GFRA2: variants seen among roughly 807,000 people sequenced by gnomAD.
GFRA2 encodes GDNF family receptor alpha-2.
Under a neutral mutation model 48.3 loss-of-function variants are expected in GFRA2, and 17 were observed. The observed-to-expected ratio is 0.35, with a 90% CI of 0.24 to 0.53. The LOEUF is 0.53. Among genes scored for constraint, GFRA2 ranks in the 20% least tolerant of loss-of-function variants. GFRA2 has a pLI of 0.93. For missense variants in GFRA2, 660 were observed against 637.3 expected, an observed-to-expected ratio of 1.04 and a Z score of -0.38; for synonymous variants, 305 against 257.2, an observed-to-expected ratio of 1.19 and a Z score of -1.78.
chr8:21,694,565 G>C (rs768309508), intron 7 of GFRA2, 48 bp from the exon 8 acceptor site: 2 of 1,571,974 alleles, frequency 1.3e-6, no homozygotes, highest in South Asian at 2.3e-5. Flanking sequence ...GGCTGTTCCT[G>C]GCTGGGCTTT....
chr8:21,784,068 C>A (rs1807148995), intron 1 of GFRA2, among the ~76,000 whole-genome samples: 1 of 152,070 alleles, frequency 6.6e-6, no homozygotes, highest in South Asian at 2.1e-4. Flanking sequence ...GCTCCTCCAC[C>A]AATGTGCAAT....
At chr8:21,772,004 G>A (rs1806460385) in intron 3 of GFRA2, among the ~76,000 whole-genome samples, 1 of 152,142 alleles carries the variant, frequency 6.6e-6, no homozygotes, top group South Asian at 2.1e-4. Flanking sequence ...ACACACAGGT[G>A]GGGGATACAT....
intron 8 of GFRA2, among the ~76,000 whole-genome samples, chr8:21,694,251 C>T (rs1281962885): frequency 1.3e-5 from 2 of 151,556 alleles, no homozygotes; most frequent in African/African-American, 4.9e-5. Context: ...AGCCATTTGT[C>T]TCTCCCCAAG....
chr8:21,781,487 C>A (rs915848700), intron 2 of GFRA2, among the ~76,000 whole-genome samples: 4 of 152,194 alleles, frequency 2.6e-5, no homozygotes, highest in Non-Finnish European at 5.9e-5. Context: ...TTTCGTGACT[C>A]TGACTCACCC....
At chr8:21,693,495 G>A in intron 8 of GFRA2, 95 bp from the exon 9 acceptor site, 1 of 1,175,178 alleles carries the variant, frequency 8.5e-7, no homozygotes, top group South Asian at 1.5e-5. Context: ...ACGGACTCAG[G>A]AACTGGACAC....
chr8:21,779,211 T>C (rs1381603434), intron 2 of GFRA2, among the ~76,000 whole-genome samples: 1 of 151,996 alleles, frequency 6.6e-6, no homozygotes, highest in Non-Finnish European at 1.5e-5. Context: ...AAAAACGAGA[T>C]TTGGAACCAG....
At chr8:21,759,023 T>G (rs75028474) in intron 3 of GFRA2, among the ~76,000 whole-genome samples, 2,021 of 152,310 alleles carry the variant, frequency 0.013, 34 homozygotes, top group African/African-American at 0.045. Flanking sequence ...TCCAGCTGTG[T>G]GCAGGAAAGA....
chr8:21,799,590 A>G (rs1807737134), intron 2 of GFRA2, among the ~76,000 whole-genome samples: 1 of 152,338 alleles, frequency 6.6e-6, no homozygotes, highest in South Asian at 2.1e-4. Flanking sequence ...ATAAAGACTC[A>G]GTCCATTCAT....
chr8:21,694,980 A>T (rs529926283), intron 7 of GFRA2, among the ~76,000 whole-genome samples: 183 of 152,342 alleles, frequency 1.2e-3, no homozygotes, highest in African/African-American at 4.2e-3. Flanking sequence ...TTAATTTGCC[A>T]TGGCTGATGG....
intron 4 of GFRA2, among the ~76,000 whole-genome samples, chr8:21,723,708 T>G (rs6587002): frequency 6.6e-5 from 10 of 151,936 alleles, no homozygotes; most frequent in African/African-American, 2.4e-4. Flanking sequence ...CTGGGAAATT[T>G]TGCAGCAAGA....
At chr8:21,732,529 C>A (rs1039570723) in intron 4 of GFRA2, among the ~76,000 whole-genome samples, 6 of 152,204 alleles carry the variant, frequency 3.9e-5, no homozygotes, top group Non-Finnish European at 8.8e-5. Flanking sequence ...TGGGTCCACC[C>A]AGGGAAGAGC....
intron 2 of GFRA2, among the ~76,000 whole-genome samples, chr8:21,803,003 G>T (rs1585353627): frequency 6.6e-6 from 1 of 152,162 alleles, no homozygotes; most frequent in African/African-American, 2.4e-5. Context: ...ACAAAAATAG[G>T]TTGTATTAGC....
In GFRA2 at chr8:21,811,571, C is replaced by T. The variant is rs148127032; in HGVS notation, c.-148+660G>A. ...GGCACTCGGGTCAGAGGAACAGTCT[C>T]GGCTTGAGCTTTACATTCCCCATGT... is the stretch of plus-strand genomic sequence containing the variant. On this transcript the variant is annotated intron_variant, in intron 1 of 10. Coordinates refer to the GFRA2 transcript ENST00000517328. 1.9e-3 allele frequency among the ~76,000 whole-genome samples: 293 copies of T among 152,242 alleles called. 2 individuals carry two copies. The highest frequency in any genetic ancestry group is 3.4e-3 in the Middle Eastern group (1 of 294).
At chr8:21,726,276 G>A (rs922825519) in intron 4 of GFRA2, among the ~76,000 whole-genome samples, 3 of 152,250 alleles carry the variant, frequency 2.0e-5, no homozygotes, top group East Asian at 1.9e-4. Flanking sequence ...CAGCTCTCAG[G>A]GGGTATTAAT....
chr8:21,795,502 C>T (rs1807655738), intron 2 of GFRA2, among the ~76,000 whole-genome samples: 1 of 152,110 alleles, frequency 6.6e-6, no homozygotes, highest in South Asian at 2.1e-4. Flanking sequence ...AAGCGATTCT[C>T]ATGCCTCAGC....
intron 4 of GFRA2, among the ~76,000 whole-genome samples, chr8:21,738,193 C>G: frequency 1.2e-5 from 1 of 80,380 alleles, no homozygotes; most frequent in African/African-American, 4.2e-5. Context: ...CCTCCTCCTC[C>G]CCCTCCTCCT....
intron 4 of GFRA2, among the ~76,000 whole-genome samples, chr8:21,741,920 C>CAA (rs74424608): frequency 3.8e-5 from 4 of 105,184 alleles, no homozygotes; most frequent in Non-Finnish European, 6.4e-5. Context: ...GACTCCATCT[C>CAA]AAAAAAAAAA....
At chr8:21,772,589 T>A (rs1806488283) in intron 3 of GFRA2, among the ~76,000 whole-genome samples, 1 of 151,728 alleles carries the variant, frequency 6.6e-6, no homozygotes, top group Non-Finnish European at 1.5e-5. Flanking sequence ...TGGAGCAGAG[T>A]CAACAGAGGC....
chr8:21,710,180 C>T (rs1802947874), intron 4 of GFRA2, among the ~76,000 whole-genome samples: 1 of 152,240 alleles, frequency 6.6e-6, no homozygotes, highest in South Asian at 2.1e-4. Flanking sequence ...GTCTCTGGGG[C>T]TGTGTCCCCA....
Sources: allele counts gnomAD v4.1 joint callset (sites outside exome capture counted in the v4.1 genomes callset), GRCh38; gene constraint gnomAD v4.1.1; transcripts MANE v1.5; gene names NCBI Gene and HGNC (gene_info 2026-07-23, HGNC 2026-07-21).